DSE: variants seen among roughly 807,000 people sequenced by gnomAD.
The protein encoded by DSE is dermatan sulfate epimerase, also known as dermatan-sulfate epimerase.
DSE carries 36 observed loss-of-function variants against 84.4 expected under a neutral mutation model. That is an observed-to-expected ratio of 0.43 (90% CI 0.33 to 0.56). DSE has a LOEUF of 0.56. DSE is among the 20% of genes least tolerant of loss of function. The probability of loss-of-function intolerance (pLI) is 0.06; values close to 1 mark genes in which losing one functional copy is unlikely to be tolerated. For synonymous variants in DSE, 410 were observed against 430.1 expected (o/e 0.95, Z 0.58); for missense variants, 862 against 1,169.6 (o/e 0.74, Z 3.84).
intron 1 of DSE, chr6:116,375,625 G>A: frequency 1.1e-6 from 1 of 902,198 alleles, no homozygotes; most frequent in Non-Finnish European, 1.3e-6. Context: ...CTGAAGTCTT[G>A]CAGAAAAGAA....
At chr6:116,387,768 G>A (rs150524746) in intron 1 of DSE, among the ~76,000 whole-genome samples, 2,424 of 152,114 alleles carry the variant, frequency 0.016, 46 homozygotes, top group Non-Finnish European at 0.022. Flanking sequence ...TGAAATACAC[G>A]TTCTTTGCAC....
intron 2 of DSE, among the ~76,000 whole-genome samples, chr6:116,413,768 C>G (rs1301422513): frequency 6.6e-6 from 1 of 152,142 alleles, no homozygotes; most frequent in Non-Finnish European, 1.5e-5. Flanking sequence ...TAACCGTACT[C>G]TAAGAGACAG....
At position 116,329,743 on chromosome 6, in the gene DSE, T is replaced by C. The variant is rs539026718; in HGVS notation, c.-53-69455T>C. Among the ~76,000 whole-genome samples the C allele has an allele frequency of 9.2e-5, 14 of 152,316 alleles. No homozygotes were observed. In the South Asian group the frequency reaches 2.5e-3, roughly 27 times the overall value. On this transcript the variant is annotated intron_variant, in intron 2 of 3. Coordinates refer to the DSE transcript ENST00000430252. Reference sequence around the variant, plus strand: ...ATTAATTTGACAAAGCATTGACAAATTTGCAAAAATTAATGCTCAAAGTCA... The same window carrying C: ...ATTAATTTGACAAAGCATTGACAAACTTGCAAAAATTAATGCTCAAAGTCA...
intron 2 of DSE, among the ~76,000 whole-genome samples, chr6:116,334,072 T>G: frequency 6.6e-6 from 1 of 152,236 alleles, no homozygotes; most frequent in East Asian, 1.9e-4. Context: ...TTGTACTTAG[T>G]GAACATTGTC....
rs373418935 is a variant in DSE, at chr6:116,279,246, C to A, written c.-54+20279C>A. 1.1e-5 allele frequency: 18 copies of A among 1,608,654 alleles called. No homozygotes were observed. In the Middle Eastern group the frequency reaches 4.9e-4, roughly 44 times the overall value. ...CTTCTATTTCTTCACCTTCTGGCGG[C>A]TGCTCCTCTACCTCCATCTGCTCCT... On this transcript the variant is annotated intron_variant, in intron 2 of 3. Transcript: ENST00000430252.
chr6:116,294,036 A>G (rs183902183), intron 2 of DSE, among the ~76,000 whole-genome samples: 27 of 151,886 alleles, frequency 1.8e-4, no homozygotes, highest in Admixed American at 1.6e-3. Flanking sequence ...TTTATTTTCT[A>G]TTTTTGAGAC....
rs757918379 is a variant in DSE at position 116,437,085 on chromosome 6, G to A, written c.2617G>A (p.Gly873Arg). 6.2e-7 allele frequency: 1 copy of A among 1,604,754 alleles called. No homozygotes were observed. Among genetic ancestry groups the A allele is most frequent in the South Asian group, 1.1e-5 (1 of 91,046 alleles). ...TGTAACATACGAGAAACATAAAAAT[G>A]GGGGCTTGATTAAAGGCCGGTTTGG... The part of the protein sequence containing the change: ...ADVTYEKHKN[G>R]GLIKGRFGQA... Residue 873 changes from glycine to arginine, a missense_variant, in exon 6 of 6, where the codon GGG becomes AGG. Coordinates refer to ENST00000644252, the MANE Select transcript of DSE (RefSeq NM_013352.4).
chr6:116,351,496 T>C (rs904246097), intron 2 of DSE, among the ~76,000 whole-genome samples: 5 of 152,230 alleles, frequency 3.3e-5, no homozygotes, highest in African/African-American at 1.2e-4. Context: ...GATTATAATA[T>C]ATTTTTATTG....
At chr6:116,261,241 T>A (rs1317492952) in intron 2 of DSE, among the ~76,000 whole-genome samples, 3 of 152,136 alleles carry the variant, frequency 2.0e-5, no homozygotes, top group Non-Finnish European at 2.9e-5. Flanking sequence ...ATTTATTTAT[T>A]TGTTGAGACA....
chr6:116,313,635 T>C (rs1414104435), intron 2 of DSE, among the ~76,000 whole-genome samples: 1 of 152,218 alleles, frequency 6.6e-6, no homozygotes, highest in Non-Finnish European at 1.5e-5. Context: ...GAGTCACACA[T>C]AGATCTTTTG....
At chr6:116,399,091 T>G in intron 1 of DSE, 107 bp from the exon 2 acceptor site, 1 of 921,166 alleles carries the variant, frequency 1.1e-6, no homozygotes, top group Non-Finnish European at 1.6e-6. Flanking sequence ...AAAATCTAAA[T>G]TCATAAGCTT....
upstream of DSE, among the ~76,000 whole-genome samples, chr6:116,365,437 T>A (rs1230458468): frequency 6.6e-6 from 1 of 151,900 alleles, no homozygotes; most frequent in African/African-American, 2.4e-5. Flanking sequence ...GTATATTTAG[T>A]AGAGACGGGG....
At chr6:116,389,000 A>G (rs1237356271) in intron 1 of DSE, among the ~76,000 whole-genome samples, 1 of 152,214 alleles carries the variant, frequency 6.6e-6, no homozygotes, top group African/African-American at 2.4e-5. Context: ...GGTTGAGAAT[A>G]AACAATGCAT....
intron 2 of DSE, among the ~76,000 whole-genome samples, chr6:116,420,841 G>A (rs1283812713): frequency 6.6e-6 from 1 of 152,098 alleles, no homozygotes; most frequent in Non-Finnish European, 1.5e-5. Flanking sequence ...TAGCAACATT[G>A]TTTTTAGGGT....
intron 2 of DSE, among the ~76,000 whole-genome samples, chr6:116,343,420 C>A (rs945444360): frequency 6.6e-6 from 1 of 152,202 alleles, no homozygotes; most frequent in Non-Finnish European, 1.5e-5. Flanking sequence ...ACACCTCATA[C>A]AGCCAGGTCC....
At chr6:116,424,679 A>G (rs1033686079) in intron 2 of DSE, among the ~76,000 whole-genome samples, 1 of 152,248 alleles carries the variant, frequency 6.6e-6, no homozygotes, top group African/African-American at 2.4e-5. Flanking sequence ...CTTAAATTCT[A>G]GGAGGGGAAA....
rs78463529 is a variant in DSE at position 116,266,008 on chromosome 6, G to C, written c.-54+7041G>C. On this transcript the variant is annotated intron_variant, in intron 2 of 3. Coordinates refer to the DSE transcript ENST00000430252. ...TGCCAGGGTTCCAGAGGCCGCGTGA[G>C]AGTAGGTTGCTCCTTGCCAGTTCAA... Among the ~76,000 whole-genome samples, 1,310 of 152,302 alleles carry C rather than the reference G, an allele frequency of 8.6e-3. 19 individuals are homozygous for C. The highest frequency in any genetic ancestry group is 0.03 in the African/African-American group (1,248 of 41,564).
chr6:116,332,523 G>T (rs1051682190), intron 2 of DSE, among the ~76,000 whole-genome samples: 13 of 152,056 alleles, frequency 8.5e-5, no homozygotes, highest in Non-Finnish European at 1.8e-4. Flanking sequence ...TGCTCTACTG[G>T]ATATTAATAC....
intron 2 of DSE, among the ~76,000 whole-genome samples, chr6:116,294,952 A>G (rs1224532292): frequency 1.3e-5 from 2 of 152,196 alleles, no homozygotes; most frequent in African/African-American, 4.8e-5. Context: ...CACTTCCTAT[A>G]GTAAGTATGA....
Sources: gnomAD v4.1 joint callset for allele counts (sites outside exome capture counted in the v4.1 genomes callset) on GRCh38, gnomAD v4.1.1 for gene constraint, MANE v1.5 for transcripts, NCBI Gene and HGNC (gene_info 2026-07-23, HGNC 2026-07-21) for gene names.